The following CAB39 variants were observed in gnomAD, a reference collection of about 807,000 sequenced individuals.
CAB39 encodes the protein calcium-binding protein 39.
In CAB39, 8 loss-of-function variants were observed where a neutral mutation model predicts 40.0. That is an observed-to-expected ratio of 0.20 (90% CI 0.12 to 0.36). The LOEUF (loss-of-function observed/expected upper bound fraction) is 0.36. Among genes scored for constraint, CAB39 ranks in the 10% least tolerant of loss-of-function variants. CAB39 has a pLI of 1.00. For synonymous variants in CAB39, 156 were observed against 141.6 expected (o/e 1.10, Z -0.72); for missense variants, 270 against 401.1 (o/e 0.67, Z 2.79).
At chr2:230,803,838 G>A (rs1160443330) in intron 5 of CAB39, among the ~76,000 whole-genome samples, 1 of 152,160 alleles carries the variant, frequency 6.6e-6, no homozygotes, top group Non-Finnish European at 1.5e-5. Context: ...GTAATTTATA[G>A]ATTCAATGCC....
intron 1 of CAB39, among the ~76,000 whole-genome samples, chr2:230,728,884 A>T (rs138384600): frequency 6.6e-6 from 1 of 152,332 alleles, no homozygotes; most frequent in East Asian, 1.9e-4. Flanking sequence ...AAATGCTGGA[A>T]TTACAGGCAT....
intron 2 of CAB39, among the ~76,000 whole-genome samples, chr2:230,763,591 CAA>C (rs946866086): frequency 7.6e-6 from 1 of 130,788 alleles, no homozygotes; most frequent in African/African-American, 2.8e-5. Context: ...GATTCTGTCT[CAA>C]AAAAAAAAAC....
chr2:230,813,198 C>T (rs947359268), intron 6 of CAB39, among the ~76,000 whole-genome samples: 8 of 152,156 alleles, frequency 5.3e-5, no homozygotes, highest in Non-Finnish European at 1.0e-4. Context: ...GCTAACTGGC[C>T]TTGTCTACTA....
intron 1 of CAB39, among the ~76,000 whole-genome samples, chr2:230,754,287 T>C (rs959849486): frequency 7.4e-6 from 1 of 134,298 alleles, no homozygotes; most frequent in Non-Finnish European, 1.7e-5. Flanking sequence ...AGTATTCTTT[T>C]TTCTTTCTTC....
chr2:230,793,117 A>T (rs946133402), intron 3 of CAB39, 96 bp from the exon 4 acceptor site: 1 of 664,466 alleles, frequency 1.5e-6, no homozygotes, highest in African/African-American at 1.8e-5. Flanking sequence ...AGTCATAACA[A>T]TAAGTACAAT....
intron 3 of CAB39, among the ~76,000 whole-genome samples, chr2:230,791,934 T>C (rs1365192773): frequency 6.6e-6 from 1 of 152,238 alleles, no homozygotes; most frequent in Non-Finnish European, 1.5e-5. Flanking sequence ...CAGTGTGCTT[T>C]GTTTTAAGCC....
In CAB39 at chr2:230,818,506, C is replaced by T. The variant is rs1696445046; in HGVS notation, c.838-10C>T. The T allele has an allele frequency of 5.0e-6, 8 of 1,611,202 alleles. No homozygotes were observed. Among genetic ancestry groups the T allele is most frequent in the South Asian group, 3.3e-5 (3 of 90,726 alleles). On this transcript the variant is annotated splice_polypyrimidine_tract_variant and intron_variant, in intron 8 of 8. Coordinates refer to ENST00000258418, the MANE Select transcript of CAB39 (RefSeq NM_016289.4). ...TTCTCTGTGCCTCATGTGCGTTTCT[C>T]TCCACGCAGGTGTTTGTAGCCAATC...
chr2:230,771,239 G>A (rs1379564554), intron 2 of CAB39, among the ~76,000 whole-genome samples: 1 of 151,970 alleles, frequency 6.6e-6, no homozygotes, highest in Non-Finnish European at 1.5e-5. Flanking sequence ...CTGTATAGTA[G>A]CAATGAACAG....
intron 1 of CAB39, among the ~76,000 whole-genome samples, chr2:230,749,504 T>C (rs141955129): frequency 2.6e-5 from 4 of 152,370 alleles, no homozygotes; most frequent in Non-Finnish European, 5.9e-5. Context: ...CAATTCATGT[T>C]CTCACTACCC....
chr2:230,779,632 C>A (rs1182797059), intron 2 of CAB39, among the ~76,000 whole-genome samples: 1 of 152,244 alleles, frequency 6.6e-6, no homozygotes, highest in Non-Finnish European at 1.5e-5. Context: ...ACTGAGGAAA[C>A]TTCCCAGACA....
intron 5 of CAB39, among the ~76,000 whole-genome samples, chr2:230,808,828 G>T (rs986924310): frequency 6.6e-6 from 1 of 152,214 alleles, no homozygotes; most frequent in Non-Finnish European, 1.5e-5. Context: ...TGCTGAATGT[G>T]ATGTTTTTCC....
chr2:230,807,073 T>C (rs1369400178), intron 5 of CAB39, among the ~76,000 whole-genome samples: 2 of 152,210 alleles, frequency 1.3e-5, no homozygotes, highest in African/African-American at 2.4e-5. Flanking sequence ...TTCAGATAGA[T>C]GGAAGATGAG....
At chr2:230,801,813 G>A (rs946487890) in intron 5 of CAB39, among the ~76,000 whole-genome samples, 4 of 151,720 alleles carry the variant, frequency 2.6e-5, no homozygotes, top group Admixed American at 1.3e-4. Flanking sequence ...AGGTTGCAGT[G>A]AGCCGAGATC....
chr2:230,782,813 C>CTTTT lies in CAB39; in HGVS notation c.115-8043_115-8040dup, dbSNP rs1212977897. 4.4e-3 allele frequency among the ~76,000 whole-genome samples: 361 copies of CTTTT among 81,712 alleles called. 9 individuals are homozygous for CTTTT. Among genetic ancestry groups the CTTTT allele is most frequent in the African/African-American group, 0.019 (300 of 15,980 alleles). 53.6% of individuals were successfully genotyped at this position (81,712 alleles called of 152,430 possible). On this transcript the variant is annotated intron_variant, in intron 2 of 8. Coordinates refer to ENST00000258418, the MANE Select transcript of CAB39 (RefSeq NM_016289.4). The stretch of plus-strand genomic sequence containing the variant: ...TGTTTCTTTCTTTCTTTCTTTCTTT[C>CTTTT]TTTTTTTTTTTTTTTTTTTGAGAAG...
intron 1 of CAB39, among the ~76,000 whole-genome samples, chr2:230,747,204 A>C (rs1323127532): frequency 6.6e-6 from 1 of 152,200 alleles, no homozygotes; most frequent in Non-Finnish European, 1.5e-5. Flanking sequence ...CAGCCTGGGC[A>C]ACAGAGTGAG....
At chr2:230,738,938 C>CT (rs1694830912) in intron 1 of CAB39, among the ~76,000 whole-genome samples, 1 of 152,202 alleles carries the variant, frequency 6.6e-6, no homozygotes, top group Non-Finnish European at 1.5e-5. Context: ...TTTCACCACT[C>CT]TCAGGTATGA....
chr2:230,786,347 C>T (rs1164720473), intron 2 of CAB39, among the ~76,000 whole-genome samples: 1 of 150,188 alleles, frequency 6.7e-6, no homozygotes, highest in Non-Finnish European at 1.5e-5. Flanking sequence ...CTCTTTCCTT[C>T]CTTTTTTTGG....
At position 230,760,014 on chromosome 2, in the gene CAB39, T is replaced by C; in HGVS notation, c.13T>C (p.Phe5Leu). Residue 5 changes from phenylalanine (F) to leucine (L), a missense_variant, in exon 2 of 9, where the codon TTT becomes CTT. Phe to Leu is a conservative substitution (Grantham distance 22). Coordinates refer to ENST00000258418, the MANE Select transcript of CAB39 (RefSeq NM_016289.4). Reference sequence around the variant, plus strand: ...TGCCGCTGCCGTCATGCCGTTCCCGTTTGGGAAGTCTCACAAATCTCCAGC... The same window carrying C: ...TGCCGCTGCCGTCATGCCGTTCCCGCTTGGGAAGTCTCACAAATCTCCAGC... MPFP[F>L]GKSHKSPADI... 6.2e-7 allele frequency: 1 copy of C among 1,611,028 alleles called. No individual in the cohort carries two copies. The highest frequency in any genetic ancestry group is 8.5e-7 in the Non-Finnish European group (1 of 1,177,474).
At chr2:230,727,531 C>G (rs1468658416) in intron 1 of CAB39, among the ~76,000 whole-genome samples, 1 of 151,484 alleles carries the variant, frequency 6.6e-6, no homozygotes, top group Non-Finnish European at 1.5e-5. Context: ...CCTCCCTCCT[C>G]AGCTTCCTGA....
Sources: allele counts gnomAD v4.1 joint callset (sites outside exome capture counted in the v4.1 genomes callset), GRCh38; gene constraint gnomAD v4.1.1; transcripts MANE v1.5; gene names NCBI Gene and HGNC (gene_info 2026-07-23, HGNC 2026-07-21).